Variants in TEKTIP1 observed in about 807,000 individuals in gnomAD.
TEKTIP1 encodes tektin bundle-interacting protein 1.
chr19:3,543,537 GC>G, the TEKTIP1 span: 1 of 1,328,808 alleles, frequency 7.5e-7, no homozygotes. Context: ...ATGACCGCCA[GC>G]CCCCGCCCCA....
chr19:3,543,150 A>G, the TEKTIP1 span: 2 of 1,514,108 alleles, frequency 1.3e-6, no homozygotes, highest in South Asian at 2.5e-5. Flanking sequence ...AGGCCTCTAC[A>G]TCATCCACCC....
At chr19:3,543,697 G>C in the TEKTIP1 span, 19 of 1,518,834 alleles carry the variant, frequency 1.3e-5, no homozygotes, top group South Asian at 2.3e-4. Flanking sequence ...CTAGGTGCAG[G>C]GTGGGTCCTT....
the TEKTIP1 span, chr19:3,541,794 T>C: frequency 2.0e-5 from 20 of 984,924 alleles, no homozygotes; most frequent in Admixed American, 5.5e-4. Flanking sequence ...TCATTTCTCA[T>C]TGAATATTAT....
chr19:3,543,924 C>CAGAACTA, the TEKTIP1 span: 6 of 1,551,034 alleles, frequency 3.9e-6, no homozygotes, highest in Admixed American at 9.8e-5. Context: ...CGGCACCACC[C>CAGAACTA]AGAACTACCG....
chr19:3,543,157 AC>A, the TEKTIP1 span: 5 of 1,514,216 alleles, frequency 3.3e-6, no homozygotes, highest in Non-Finnish European at 4.4e-6. Flanking sequence ...TACATCATCC[AC>A]CCTGGCAGAC....
At chr19:3,543,306 C>T in the TEKTIP1 span, 25 of 1,549,008 alleles carry the variant, frequency 1.6e-5, no homozygotes, top group African/African-American at 4.1e-5. Flanking sequence ...TGGAAGTACA[C>T]GCCCATGGGA....
chr19:3,543,647 T>A, the TEKTIP1 span: 6 of 1,543,704 alleles, frequency 3.9e-6, no homozygotes, highest in Non-Finnish European at 5.2e-6. Flanking sequence ...GAGCGCGCTG[T>A]GGAAAGACAG....
At chr19:3,539,296 C>A in the TEKTIP1 span, 1 of 1,105,008 alleles carries the variant, frequency 9.0e-7, no homozygotes, top group Non-Finnish European at 1.3e-6. Context: ...CCTCCCAGCC[C>A]CTCCCTCCCT....
chr19:3,544,012 G>A, the TEKTIP1 span: 1 of 1,534,334 alleles, frequency 6.5e-7, no homozygotes, highest in Non-Finnish European at 8.8e-7. Context: ...CCCCGATAAA[G>A]GCATGCTACC....
the TEKTIP1 span, chr19:3,543,630 G>A: frequency 1.4e-4 from 212 of 1,544,526 alleles, no homozygotes; most frequent in Non-Finnish European, 1.7e-4. Context: ...CCCAGCACCC[G>A]GTGGGGGAGC....
the TEKTIP1 span, chr19:3,541,823 T>C: frequency 2.0e-6 from 2 of 983,026 alleles, no homozygotes; most frequent in Non-Finnish European, 1.2e-6. Context: ...GTTTTGTTTG[T>C]GTTGAGACAG....
chr19:3,542,337 G>C, the TEKTIP1 span: 1 of 985,382 alleles, frequency 1.0e-6, no homozygotes, highest in Non-Finnish European at 1.2e-6. Flanking sequence ...AGCTGGAACC[G>C]GGCTTTCCGT....
At chr19:3,542,629 C>T in the TEKTIP1 span, 1 of 1,012,426 alleles carries the variant, frequency 9.9e-7, no homozygotes, top group Non-Finnish European at 1.3e-6. Context: ...GCCCCCCGCC[C>T]CCACACCATG....
chr19:3,543,226 C>A, the TEKTIP1 span: 1 of 1,541,144 alleles, frequency 6.5e-7, no homozygotes, highest in South Asian at 1.2e-5. Context: ...GCCCCCTGCC[C>A]ACCCTCAGCG....
At chr19:3,542,520 C>T in the TEKTIP1 span, 1 of 955,174 alleles carries the variant, frequency 1.0e-6, no homozygotes, top group Non-Finnish European at 1.2e-6. Context: ...GTTGCCCAGG[C>T]TGGAGTGCAA....
At chr19:3,543,192 G>A in the TEKTIP1 span, 29 of 1,529,458 alleles carry the variant, frequency 1.9e-5, no homozygotes, top group South Asian at 2.2e-4. Context: ...CAAAGCACTC[G>A]CTGTAGACAT....
the TEKTIP1 span, chr19:3,541,927 A>C: frequency 1.9e-6 from 1 of 521,640 alleles, no homozygotes. Context: ...CTCCTGCCTC[A>C]GCTTCCCGAG....
chr19:3,542,906 C>A, the TEKTIP1 span: 1 of 1,427,554 alleles, frequency 7.0e-7, no homozygotes, highest in Non-Finnish European at 9.4e-7. Flanking sequence ...GGAGGCTGGA[C>A]AAGGACTGTA....
the TEKTIP1 span, chr19:3,543,285 A>G: frequency 1.3e-6 from 2 of 1,548,160 alleles, no homozygotes; most frequent in Non-Finnish European, 1.7e-6. Context: ...GCCATCAGGC[A>G]GGCCACACGC....
Sources: gnomAD v4.1 joint callset for allele counts on GRCh38, gnomAD v4.1.1 for gene constraint, MANE v1.5 for transcripts, NCBI Gene and HGNC (gene_info 2026-07-23, HGNC 2026-07-21) for gene names.